The following ZMIZ1 variants were observed in gnomAD, a reference collection of about 807,000 sequenced individuals.
ZMIZ1 encodes zinc finger MIZ domain-containing protein 1.
In ZMIZ1, 17 loss-of-function variants were observed where a neutral mutation model predicts 113.9. The ratio of observed to expected loss-of-function variants is 0.15; its 90% CI spans 0.10 to 0.22. The LOEUF is 0.22. ZMIZ1 is among the 10% of genes least tolerant of loss of function. ZMIZ1 has a pLI of 1.00. For missense variants in ZMIZ1, 1,059 were observed against 1,477.8 expected, an observed-to-expected ratio of 0.72 and a Z score of 4.65; for synonymous variants, 607 against 603.1, an observed-to-expected ratio of 1.01 and a Z score of -0.09.
At chr10:79,186,811 G>A (rs4979849) in intron 4 of ZMIZ1, among the ~76,000 whole-genome samples, 29,554 of 152,140 alleles carry the variant, frequency 0.19, 3,297 homozygotes, top group South Asian at 0.3. Flanking sequence ...GAAGGACCCC[G>A]TGCCACCCGC....
intron 22 of ZMIZ1, 121 bp from the exon 23 acceptor site, chr10:79,307,284 C>G: frequency 9.9e-7 from 1 of 1,009,658 alleles, no homozygotes; most frequent in Non-Finnish European, 1.5e-6. Flanking sequence ...CTGCTGTGAC[C>G]TACTACAGCC....
intron 4 of ZMIZ1, among the ~76,000 whole-genome samples, chr10:79,189,885 T>C (rs1247325174): frequency 2.0e-5 from 3 of 152,214 alleles, no homozygotes; most frequent in Admixed American, 6.5e-5. Context: ...CCCTCTGCTC[T>C]TGGGCCGAGG....
At chr10:79,299,620 G>A (rs756011353) in intron 16 of ZMIZ1, among the ~76,000 whole-genome samples, 2 of 152,384 alleles carry the variant, frequency 1.3e-5, no homozygotes, top group East Asian at 1.9e-4. Context: ...GCAGGGGGCT[G>A]ACCATTGGGC....
At chr10:79,168,987 C>T (rs913171762) in intron 4 of ZMIZ1, among the ~76,000 whole-genome samples, 5 of 152,252 alleles carry the variant, frequency 3.3e-5, no homozygotes, top group African/African-American at 1.2e-4. Flanking sequence ...TCTTCAGCTC[C>T]AGTTTGGGAA....
intron 8 of ZMIZ1, among the ~76,000 whole-genome samples, chr10:79,278,411 A>G (rs529448834): frequency 1.3e-5 from 2 of 148,848 alleles, no homozygotes; most frequent in Non-Finnish European, 3.0e-5. Flanking sequence ...ATTATTATTT[A>G]TTATTATTAT....
At chr10:79,256,901 AAG>A (rs373396115) in intron 7 of ZMIZ1, among the ~76,000 whole-genome samples, 8 of 152,182 alleles carry the variant, frequency 5.3e-5, no homozygotes, top group African/African-American at 1.9e-4. Context: ...GAAAATAAAA[AAG>A]AGGTGGGGAG....
At chr10:79,211,253 G>A (rs1848518821) in intron 6 of ZMIZ1, among the ~76,000 whole-genome samples, 1 of 152,288 alleles carries the variant, frequency 6.6e-6, no homozygotes, top group Non-Finnish European at 1.5e-5. Context: ...CTGGGAGCAG[G>A]AGCAGCTTAC....
intron 15 of ZMIZ1, 59 bp downstream of exon 15, chr10:79,298,639 G>A: frequency 2.0e-6 from 3 of 1,487,062 alleles, no homozygotes; most frequent in East Asian, 2.4e-5. Flanking sequence ...TGGGCCGGGA[G>A]CAGGGGCTTC....
At chr10:79,128,538 G>C (rs189453463) in intron 2 of ZMIZ1, among the ~76,000 whole-genome samples, 214 of 152,306 alleles carry the variant, frequency 1.4e-3, no homozygotes, top group African/African-American at 4.9e-3. Flanking sequence ...CAAGAGTGGA[G>C]CCCCTGGGGC....
At chr10:79,149,804 G>A (rs1027865693) in intron 3 of ZMIZ1, among the ~76,000 whole-genome samples, 7 of 152,358 alleles carry the variant, frequency 4.6e-5, no homozygotes, top group Admixed American at 3.9e-4. Flanking sequence ...TCTCCCAGGG[G>A]ACACTGCTGT....
chr10:79,305,988 T>A, intron 21 of ZMIZ1, 112 bp from the exon 22 acceptor site: 1 of 1,482,712 alleles, frequency 6.7e-7, no homozygotes, highest in Non-Finnish European at 9.0e-7. Flanking sequence ...GTGGTGAGAG[T>A]GGGAGCAGGG....
At chr10:79,180,687 A>G (rs1458950139) in intron 4 of ZMIZ1, among the ~76,000 whole-genome samples, 3 of 152,168 alleles carry the variant, frequency 2.0e-5, no homozygotes. Flanking sequence ...AGCCTCAGCC[A>G]GTCTCTCCAT....
At chr10:79,084,926 G>A (rs1291073266) in intron 1 of ZMIZ1, among the ~76,000 whole-genome samples, 5 of 152,110 alleles carry the variant, frequency 3.3e-5, no homozygotes, top group Non-Finnish European at 5.9e-5. Flanking sequence ...AATCCAGGCC[G>A]GCTCACTCTG....
At chr10:79,073,158 C>G (rs1332441969) in intron 1 of ZMIZ1, among the ~76,000 whole-genome samples, 1 of 152,130 alleles carries the variant, frequency 6.6e-6, no homozygotes, top group Non-Finnish European at 1.5e-5. Flanking sequence ...CTGTGTTGGG[C>G]CAGTAACTCT....
chr10:79,300,828 G>T lies in ZMIZ1; in HGVS notation c.1905G>T (p.Thr635=). The T allele has an allele frequency of 6.2e-7, 1 of 1,613,788 alleles. No homozygotes were observed. The highest frequency in any genetic ancestry group is 8.5e-7 in the Non-Finnish European group (1 of 1,179,982). Residue 635 remains threonine (T), a synonymous_variant, in exon 17 of 25, where the codon ACG becomes ACT. Transcript: ENST00000334512. ...PASVQVSVNA[T]PLTIERGDNK... ...CGGTGCAGGTCAGCGTGAACGCCACGCCCCTCACCATTGAGCGCGGCGACA... is the reference window on the plus strand; with the variant it reads ...CGGTGCAGGTCAGCGTGAACGCCACTCCCCTCACCATTGAGCGCGGCGACA...
chr10:79,080,475 A>G (rs1280753548), intron 1 of ZMIZ1, among the ~76,000 whole-genome samples: 1 of 151,642 alleles, frequency 6.6e-6, no homozygotes, highest in Non-Finnish European at 1.5e-5. Flanking sequence ...TGCCCAGCTG[A>G]TTTTTGTATT....
intron 5 of ZMIZ1, among the ~76,000 whole-genome samples, chr10:79,206,639 C>G (rs1160062802): frequency 6.6e-6 from 1 of 152,238 alleles, no homozygotes; most frequent in Non-Finnish European, 1.5e-5. Flanking sequence ...GCAGAAGGAG[C>G]CAGGGCTGAG....
At chr10:79,087,845 C>T (rs938772520) in intron 1 of ZMIZ1, among the ~76,000 whole-genome samples, 35 of 152,190 alleles carry the variant, frequency 2.3e-4, no homozygotes, top group Non-Finnish European at 5.0e-4. Context: ...CTAGGTCAAG[C>T]GGATTGGTCC....
chr10:79,273,880 G>A lies in ZMIZ1; in HGVS notation c.281-3301G>A, dbSNP rs539782725. Among the ~76,000 whole-genome samples the A allele has an allele frequency of 1.1e-4, 17 of 152,400 alleles. No homozygotes were observed. The South Asian group carries it at 3.1e-3, about 28-fold the overall frequency. ...GTGATGTGTACGTGGGCCTCCCGCC[G>A]TGGGAGCACCAGGCAGGAGGCCAAT... is the stretch of plus-strand genomic sequence containing the variant. On this transcript the variant is annotated intron_variant, in intron 7 of 24. Transcript: ENST00000334512.
Sources: allele counts gnomAD v4.1 joint callset (sites outside exome capture counted in the v4.1 genomes callset), GRCh38; gene constraint gnomAD v4.1.1; transcripts MANE v1.5; gene names NCBI Gene and HGNC (gene_info 2026-07-23, HGNC 2026-07-21).